ECE1: variants seen among roughly 807,000 people sequenced by gnomAD.
The protein encoded by ECE1 is endothelin converting enzyme 1.
ECE1 carries 35 observed loss-of-function variants against 98.6 expected under a neutral mutation model. The ratio of observed to expected loss-of-function variants is 0.35; its 90% CI spans 0.27 to 0.47. ECE1 has a LOEUF of 0.47. Ranked by LOEUF, ECE1 falls within the 20% of genes least tolerant of loss-of-function variation. The pLI is 1.00. For synonymous variants in ECE1, 394 were observed against 407.1 expected (o/e 0.97, Z 0.39); for missense variants, 814 against 1,025.3 (o/e 0.79, Z 2.81).
At position 21,224,274 on chromosome 1, in the gene ECE1, C is replaced by T. The variant is rs924990259; in HGVS notation, c.2040+976G>A. Among the ~76,000 whole-genome samples the T allele has an allele frequency of 8.5e-5, 13 of 152,290 alleles. No homozygotes were observed. The East Asian group carries it at 1.2e-3, about 14-fold the overall frequency. ...TACCCCCCGTTATTCCTCATTACTT[C>T]GCCCCAGTTTATATTCGTCACCTTT... On this transcript the variant is annotated intron_variant, in intron 17 of 18. Coordinates refer to ENST00000374893, the MANE Select transcript of ECE1 (RefSeq NM_001397.3).
At chr1:21,338,155 C>T (rs1639336662) in intron 1 of ECE1, among the ~76,000 whole-genome samples, 1 of 152,198 alleles carries the variant, frequency 6.6e-6, no homozygotes. Flanking sequence ...AATGGCCAGG[C>T]AGCTGGGGGT....
intron 15 of ECE1, 116 bp downstream of exon 15, chr1:21,227,815 T>C: frequency 1.2e-6 from 1 of 802,354 alleles, no homozygotes; most frequent in Non-Finnish European, 2.0e-6. Flanking sequence ...ATCTCTGACA[T>C]CTGCAACCTG....
intron 1 of ECE1, among the ~76,000 whole-genome samples, chr1:21,342,402 G>C (rs1357518121): frequency 6.6e-6 from 1 of 152,120 alleles, no homozygotes; most frequent in African/African-American, 2.4e-5. Flanking sequence ...ACCGGAGGCA[G>C]GAGACATAAA....
intron 14 of ECE1, among the ~76,000 whole-genome samples, chr1:21,231,699 G>C (rs1277962197): frequency 6.6e-6 from 1 of 152,230 alleles, no homozygotes; most frequent in East Asian, 1.9e-4. Context: ...CTGTAGCCCA[G>C]GCTGGAGTGC....
chr1:21,221,365 T>C (rs114900687), intron 18 of ECE1, among the ~76,000 whole-genome samples: 1 of 152,152 alleles, frequency 6.6e-6, no homozygotes, highest in Non-Finnish European at 1.5e-5. Flanking sequence ...AGAGACAGGG[T>C]TTCACTATGT....
intron 3 of ECE1, among the ~76,000 whole-genome samples, chr1:21,273,346 C>CGTGTGTGT (rs60168069): frequency 3.4e-4 from 45 of 133,154 alleles, no homozygotes; most frequent in Middle Eastern, 7.6e-3. Context: ...TGCGTGTGTG[C>CGTGTGTGT]GTGTGTGTGT....
chr1:21,335,101 G>A (rs901422300), intron 1 of ECE1, among the ~76,000 whole-genome samples: 1 of 151,820 alleles, frequency 6.6e-6, no homozygotes, highest in South Asian at 2.1e-4. Context: ...GCCTCTGCCC[G>A]GCCACACCAG....
intron 4 of ECE1, among the ~76,000 whole-genome samples, chr1:21,270,961 G>A (rs893182809): frequency 6.6e-6 from 1 of 152,212 alleles, no homozygotes; most frequent in African/African-American, 2.4e-5. Context: ...CACTGGAGAA[G>A]GGTCGTCCTT....
intron 1 of ECE1, among the ~76,000 whole-genome samples, chr1:21,339,478 C>G (rs937441466): frequency 5.3e-5 from 8 of 152,138 alleles, no homozygotes; most frequent in Non-Finnish European, 1.2e-4. Context: ...CCCTAATTCC[C>G]TAAGTGACCT....
chr1:21,285,773 C>A (rs1276208290), intron 2 of ECE1, among the ~76,000 whole-genome samples: 1 of 151,260 alleles, frequency 6.6e-6, no homozygotes, highest in Non-Finnish European at 1.5e-5. Flanking sequence ...AGGTGGATCA[C>A]CTGAGGTCGG....
chr1:21,287,999 A>G (rs1172559702), intron 2 of ECE1, among the ~76,000 whole-genome samples: 1 of 152,092 alleles, frequency 6.6e-6, no homozygotes, highest in East Asian at 1.9e-4. Context: ...TTCAATTAAT[A>G]GAATACTCTG....
chr1:21,246,822 G>C (rs1393600657), intron 9 of ECE1, among the ~76,000 whole-genome samples: 1 of 152,106 alleles, frequency 6.6e-6, no homozygotes, highest in Non-Finnish European at 1.5e-5. Context: ...ACCATGTCTG[G>C]CTAATTTTTT....
intron 4 of ECE1, among the ~76,000 whole-genome samples, chr1:21,264,140 G>A (rs1573986631): frequency 6.6e-6 from 1 of 152,194 alleles, no homozygotes; most frequent in African/African-American, 2.4e-5. Context: ...ATGAGGGGCA[G>A]GCTTAGGAAG....
chr1:21,261,104 C>A (rs2098226294), intron 4 of ECE1, among the ~76,000 whole-genome samples: 1 of 152,194 alleles, frequency 6.6e-6, no homozygotes, highest in African/African-American at 2.4e-5. Context: ...CCGCTTCCTG[C>A]CACTCAGGTC....
rs759843917 is a variant in ECE1, at chr1:21,255,977, G to C, written c.990C>G (p.Ile330Met). The change falls in exon 8 of 19, where the codon ATC becomes ATG. Residue 330 changes from isoleucine (I) to methionine (M), a missense_variant. Ile to Met is a conservative substitution (Grantham distance 10). This residue lies in a region of ECE1 where 105 missense variants were observed against 179.1 expected (regional missense o/e 0.59). Transcript: ENST00000374893. ...GCTCGGCTGCCGTCACTTTGTGGTA[G>C]ATGAGCTCCTCATCACGGCGCTTCT... ...PQEKRRDEEL[I>M]YHKVTAAELQ... is the part of the protein sequence containing the mutation. 2.5e-6 allele frequency: 4 copies of C among 1,614,050 alleles called. No individual in the cohort carries two copies. Among genetic ancestry groups the C allele is most frequent in the Non-Finnish European group, 2.5e-6 (3 of 1,180,012 alleles).
intron 2 of ECE1, among the ~76,000 whole-genome samples, chr1:21,283,941 T>C (rs769718736): frequency 1.6e-4 from 25 of 152,214 alleles, no homozygotes; most frequent in Non-Finnish European, 3.7e-4. Context: ...GCCTTGTCTC[T>C]AAAGGCAGAA....
intron 1 of ECE1, among the ~76,000 whole-genome samples, chr1:21,324,655 G>T (rs1639037586): frequency 6.6e-6 from 1 of 152,216 alleles, no homozygotes; most frequent in African/African-American, 2.4e-5. Context: ...AGAGAGGGCT[G>T]GAGCTGAGCT....
At position 21,270,122 on chromosome 1, in the gene ECE1, C is replaced by T. The variant is rs576173760; in HGVS notation, c.493+2577G>A. ...AGAGGGCCTGTCCACTGTCCTGCCC[C>T]ATCCCCTCTAAATGCTAACTGCTCC... On this transcript the variant is annotated intron_variant, in intron 4 of 18. Transcript: ENST00000374893. Among the ~76,000 whole-genome samples, 6 of 152,352 alleles carry T rather than the reference C, an allele frequency of 3.9e-5. No homozygotes were observed. In the South Asian group the frequency reaches 6.2e-4, roughly 16 times the overall value.
chr1:21,238,067 C>T (rs2098190585), intron 11 of ECE1, 67 bp downstream of exon 11: 2 of 1,458,816 alleles, frequency 1.4e-6, no homozygotes, highest in South Asian at 1.1e-5. Flanking sequence ...GGAGTGTGAA[C>T]TGGCAGGTCT....
Sources: gnomAD v4.1 joint callset for allele counts (sites outside exome capture counted in the v4.1 genomes callset) on GRCh38, gnomAD v4.1.1 for gene constraint, gnomAD v4.1.1 regional missense constraint, MANE v1.5 for transcripts, NCBI Gene and HGNC (gene_info 2026-07-23, HGNC 2026-07-21) for gene names.